The following ZCCHC2 variants were observed in gnomAD, a reference collection of about 807,000 sequenced individuals.
ZCCHC2 encodes zinc finger CCHC-type containing 2.
In ZCCHC2, 39 loss-of-function variants were observed where a neutral mutation model predicts 103.6. The observed-to-expected ratio is 0.38, with a 90% confidence interval of 0.29 to 0.49. The LOEUF (loss-of-function observed/expected upper bound fraction) is 0.49, where lower values mean the gene tolerates loss of function less well. Among genes scored for constraint, ZCCHC2 ranks in the 20% least tolerant of loss-of-function variants. The pLI, the probability that ZCCHC2 is intolerant of heterozygous loss-of-function variation, is 0.96. For missense variants in ZCCHC2, 1,483 were observed against 1,491.0 expected (o/e 0.99, Z 0.09); for synonymous variants, 687 against 608.9 (o/e 1.13, Z -1.89).
chr18:62,560,661 TAAAAC>T lies in ZCCHC2; in HGVS notation c.1550+22_1550+26del. On this transcript the variant is annotated intron_variant, in intron 8 of 13. Coordinates refer to ENST00000269499, the MANE Select transcript of ZCCHC2 (RefSeq NM_017742.6). ...CATTGTGAAGTAAGTATCCTCTTTC[TAAAAC>T]AAAAAGTGCTTTGGTATGTTTTAAA... The T allele has an allele frequency of 6.2e-7, 1 of 1,604,288 alleles. No homozygotes were observed. The highest frequency in any genetic ancestry group is 8.5e-7 in the Non-Finnish European group (1 of 1,173,190).
intron 7 of ZCCHC2, among the ~76,000 whole-genome samples, chr18:62,560,136 G>A (rs1027172607): frequency 2.0e-5 from 3 of 152,186 alleles, no homozygotes; most frequent in African/African-American, 7.2e-5. Context: ...AGGGGGAGTG[G>A]AATGGAGGGA....
At chr18:62,571,848 T>C (rs3760569) in intron 12 of ZCCHC2, among the ~76,000 whole-genome samples, 52,947 of 148,578 alleles carry the variant, frequency 0.36, 9,683 homozygotes, top group East Asian at 0.75. Context: ...TATCACGCTA[T>C]GTCTTAGGGA....
intron 1 of ZCCHC2, chr18:62,524,745 C>T (rs1420783584): frequency 4.7e-6 from 1 of 212,038 alleles, no homozygotes; most frequent in South Asian, 1.5e-4. Flanking sequence ...GCTGGAGGAA[C>T]CTGTGTGAGA....
At chr18:62,536,634 C>T (rs887020621) in intron 1 of ZCCHC2, among the ~76,000 whole-genome samples, 5 of 152,064 alleles carry the variant, frequency 3.3e-5, no homozygotes, top group Non-Finnish European at 7.4e-5. Flanking sequence ...TTGGGGCTGC[C>T]GATTCTCATC....
At chr18:62,541,800 G>A (rs923691642) in intron 2 of ZCCHC2, among the ~76,000 whole-genome samples, 1 of 152,024 alleles carries the variant, frequency 6.6e-6, no homozygotes, top group African/African-American at 2.4e-5. Context: ...TGGATAGTTG[G>A]GGGATTTATA....
Position 62,524,153 on chromosome 18 carries a change from G to A in ZCCHC2, c.729G>A (p.Val243=), listed in dbSNP as rs764484915. ...GCTCAGGCCCGGAAGGCGGCATTGT[G>A]GAGCCCCGGGTCGGCGGCGGGCTTG... ...KDGSGPEGGI[V]EPRVGGGLGS... Residue 243 remains valine, a synonymous_variant, in exon 1 of 14, where the codon GTG becomes GTA. Transcript: ENST00000269499. 1.9e-6 allele frequency: 3 copies of A among 1,545,600 alleles called. No homozygotes were observed.
downstream of ZCCHC2, among the ~76,000 whole-genome samples, chr18:62,579,677 T>C (rs1330628668): frequency 1.3e-5 from 2 of 152,074 alleles, no homozygotes; most frequent in East Asian, 3.9e-4. Flanking sequence ...CTCCCTCCCC[T>C]TCCCCCACTA....
downstream of ZCCHC2, among the ~76,000 whole-genome samples, chr18:62,582,452 T>C (rs567656056): frequency 3.4e-4 from 51 of 149,310 alleles, no homozygotes; most frequent in African/African-American, 1.2e-3. Context: ...CCAAGGCGGG[T>C]GGATTACTTG....
chr18:62,563,195 A>G (rs1357612037), intron 9 of ZCCHC2, 51 bp downstream of exon 9: 9 of 1,561,580 alleles, frequency 5.8e-6, no homozygotes, highest in African/African-American at 4.1e-5. Context: ...TTGCTCCTCT[A>G]TAAGAAAAAA....
rs1916722734 is a variant in ZCCHC2 at position 62,574,397 on chromosome 18, A to C, written c.2316A>C (p.Ile772=). Residue 772 remains isoleucine (I), a synonymous_variant, in exon 13 of 14, where the codon ATA becomes ATC. Coordinates refer to ENST00000269499, the MANE Select transcript of ZCCHC2 (RefSeq NM_017742.6). The part of the protein sequence containing the change: ...RESANSTPVG[I]LGPTACTGES... The stretch of plus-strand genomic sequence containing the variant: ...CTGCAAATTCAACCCCTGTTGGAAT[A>C]CTAGGGCCAACAGCTTGCACTGGAG... 1.2e-6 allele frequency: 2 copies of C among 1,614,020 alleles called. No individual in the cohort carries two copies. Among genetic ancestry groups the C allele is most frequent in the East Asian group, 4.5e-5 (2 of 44,882 alleles).
intron 11 of ZCCHC2, among the ~76,000 whole-genome samples, chr18:62,568,932 G>A (rs150340144): frequency 2.0e-5 from 3 of 152,076 alleles, no homozygotes; most frequent in Admixed American, 6.6e-5. Flanking sequence ...CCCTTTAGTC[G>A]CCTTATGATG....
intron 6 of ZCCHC2, among the ~76,000 whole-genome samples, chr18:62,557,240 G>A (rs1216985402): frequency 6.6e-6 from 1 of 151,980 alleles, no homozygotes; most frequent in Non-Finnish European, 1.5e-5. Context: ...CAAATATTTT[G>A]TCAGTAACAT....
Position 62,560,558 on chromosome 18 carries a change from G to T in ZCCHC2, c.1493-29G>T, listed in dbSNP as rs760057534. 1.3e-5 allele frequency: 21 copies of T among 1,602,728 alleles called. 1 individual carries two copies. The South Asian group carries it at 1.9e-4, about 14-fold the overall frequency. On this transcript the variant is annotated intron_variant, in intron 7 of 13. Coordinates refer to ENST00000269499, the MANE Select transcript of ZCCHC2 (RefSeq NM_017742.6). ...GTTGGTTTTTGCTGCAGCATTTAGT[G>T]TAATAAGTTACTTTTTCCTCTCTTC...
chr18:62,564,190 G>C (rs1032516505), intron 9 of ZCCHC2, among the ~76,000 whole-genome samples: 11 of 152,124 alleles, frequency 7.2e-5, no homozygotes, highest in Non-Finnish European at 1.5e-4. Flanking sequence ...CCCTACTCCA[G>C]TGCCTGCACC....
Position 62,574,389 on chromosome 18 carries a change from G to A in ZCCHC2, c.2308G>A (p.Val770Ile), listed in dbSNP as rs1233760413. ...AIRESANSTP[V>I]GILGPTACTG... ...AAGGGAGTCTGCAAATTCAACCCCT[G>A]TTGGAATACTAGGGCCAACAGCTTG... The change falls in exon 13 of 14, where the codon GTT (valine) becomes ATT (isoleucine). Residue 770 changes from valine (V) to isoleucine (I), a missense_variant. Val to Ile is a conservative substitution (Grantham distance 29, BLOSUM62 3). Around this residue, in one of 3 missense-constraint regions of ZCCHC2, gnomAD observed 884 missense variants for 907.5 expected, o/e 0.97. Transcript: ENST00000269499. 8.1e-6 allele frequency: 13 copies of A among 1,613,894 alleles called. No homozygotes were observed. The African/African-American group carries it at 1.1e-4, about 13-fold the overall frequency.
chr18:62,569,344 G>T (rs1916497705), intron 11 of ZCCHC2, among the ~76,000 whole-genome samples: 1 of 152,066 alleles, frequency 6.6e-6, no homozygotes, highest in Non-Finnish European at 1.5e-5. Context: ...GCACAGAAAT[G>T]ATTCACTAAT....
rs1236726716 is a variant in ZCCHC2 at position 62,524,305 on chromosome 18, G to T, written c.881G>T (p.Gly294Val). ...AGGCTCCGCGCCGCGCTCCGCGGGG[G>T]CCCCGAGGACGCGGAGGTGGAGGTA... Reference protein sequence around the residue: ...LERLRAALRGGPEDAEVEVEP... With the variant: ...LERLRAALRGVPEDAEVEVEP... Residue 294 changes from glycine (G) to valine (V), a missense_variant, in exon 1 of 14, where the codon GGC becomes GTC. By Grantham distance (109) the Gly-to-Val change is moderately radical (BLOSUM62 -3). Transcript: ENST00000269499. 1.3e-6 allele frequency: 2 copies of T among 1,548,410 alleles called. No individual in the cohort carries two copies. The highest frequency in any genetic ancestry group is 1.7e-6 in the Non-Finnish European group (2 of 1,146,260).
chr18:62,545,319 G>A (rs1007841161), intron 4 of ZCCHC2, among the ~76,000 whole-genome samples: 5 of 152,140 alleles, frequency 3.3e-5, no homozygotes, highest in African/African-American at 7.2e-5. Context: ...GAATGTGTCT[G>A]CAGAACCAGA....
In ZCCHC2 at chr18:62,539,674, C is replaced by T. The variant is rs1476713813; in HGVS notation, c.940-7C>T. On this transcript the variant is annotated splice_polypyrimidine_tract_variant and splice_region_variant and intron_variant, in intron 1 of 13. Coordinates refer to ENST00000269499, the MANE Select transcript of ZCCHC2 (RefSeq NM_017742.6). ...TAAGTTAACGTATCTCCCTCTTTCT[C>T]ATCTAGAACAACTCTGCTCATGGTG... 4 of 1,575,002 alleles carry T rather than the reference C, an allele frequency of 2.5e-6. No individual in the cohort carries two copies. The Middle Eastern group carries it at 5.0e-4, about 196-fold the overall frequency.
Sources: allele counts gnomAD v4.1 joint callset (sites outside exome capture counted in the v4.1 genomes callset), GRCh38; gene constraint gnomAD v4.1.1; regional missense constraint gnomAD v4.1.1; transcripts MANE v1.5; gene names NCBI Gene and HGNC (gene_info 2026-07-23, HGNC 2026-07-21).